Variants in SEZ6L2 observed in about 807,000 individuals in gnomAD.
SEZ6L2 encodes seizure 6-like protein 2.
Under a neutral mutation model 97.0 loss-of-function variants are expected in SEZ6L2, and 44 were observed. The observed-to-expected ratio is 0.45, with a 90% confidence interval of 0.36 to 0.58. The LOEUF is 0.58. SEZ6L2 is among the 20% of genes least tolerant of loss of function. SEZ6L2 has a pLI of 0.00. For missense variants in SEZ6L2, 1,086 were observed against 1,233.3 expected (o/e 0.88, Z 1.79); for synonymous variants, 543 against 546.1 (o/e 0.99, Z 0.08).
At chr16:29,888,112 T>A (rs1394764433) in intron 6 of SEZ6L2, among the ~76,000 whole-genome samples, 5 of 151,760 alleles carry the variant, frequency 3.3e-5, no homozygotes, top group African/African-American at 1.2e-4. Flanking sequence ...GTTACAAGGA[T>A]CCCTAAAATT....
Position 29,897,062 on chromosome 16 carries a change from AG to A in SEZ6L2, c.270del (p.Ser91ProfsTer13). On this transcript the variant is annotated frameshift_variant, in exon 3 of 18. Transcript: ENST00000617533. LOFTEE classifies it high-confidence loss of function. ...TPPAGQTLAV[P>X]SLPRATEPGT... ...CCCGGCTCAGTGGCCCGTGGCAGGG[AG>A]GGCACTGCGAGAGTCTGGCCGGCCG... 1 of 1,581,092 alleles carries A rather than the reference AG, an allele frequency of 6.3e-7. No individual in the cohort carries two copies. The highest frequency in any genetic ancestry group is 1.1e-5 in the South Asian group (1 of 88,654).
rs15000 is a variant in SEZ6L2 at position 29,871,334 on chromosome 16, G to A, written c.*365C>T. ...AGGCCTAGGGCCAGGGCATCTGGGAGGGGGGCACCTTCGTGGCCAAGGGAA... is the reference window on the plus strand; with the variant it reads ...AGGCCTAGGGCCAGGGCATCTGGGAAGGGGGCACCTTCGTGGCCAAGGGAA... On this transcript the variant is annotated 3_prime_UTR_variant, in exon 18 of 18. Transcript: ENST00000617533. The A allele has an allele frequency of 2.8e-6, 1 of 356,962 alleles. No individual in the cohort carries two copies. The highest frequency in any genetic ancestry group is 2.0e-5 in the African/African-American group (1 of 48,844). 22.1% of individuals were successfully genotyped at this position (356,962 alleles called of 1,614,324 possible).
chr16:29,898,073 C>G (rs2068445189), intron 1 of SEZ6L2, 89 bp from the exon 2 acceptor site: 1 of 1,568,882 alleles, frequency 6.4e-7, no homozygotes, highest in East Asian at 2.3e-5. Flanking sequence ...CCTCCCTCCT[C>G]CATCAGCTGG....
chr16:29,897,084 G>A lies in SEZ6L2; in HGVS notation c.249C>T (p.Ala83=), dbSNP rs781302818. Reference sequence around the variant, plus strand: ...GGGAGGGCACTGCGAGAGTCTGGCCGGCCGGAGGGGTGGCTAGCGTGGGGT... The same window carrying A: ...GGGAGGGCACTGCGAGAGTCTGGCCAGCCGGAGGGGTGGCTAGCGTGGGGT... ...DRDPTLATPP[A]GQTLAVPSLP... is the part of the protein sequence containing the mutation. Residue 83 remains alanine (A), a synonymous_variant, in exon 3 of 18, where the codon GCC becomes GCT. Coordinates refer to ENST00000617533, the MANE Select transcript of SEZ6L2 (RefSeq NM_001243332.2). 11 of 1,580,442 alleles carry A rather than the reference G, an allele frequency of 7.0e-6. No homozygotes were observed. The highest frequency in any genetic ancestry group is 1.3e-5 in the African/African-American group (1 of 74,618).
In SEZ6L2 at chr16:29,877,427, C is replaced by A. The variant is rs1297317673; in HGVS notation, c.1753G>T (p.Gly585Trp). 6 of 1,608,768 alleles carry A rather than the reference C, an allele frequency of 3.7e-6. No homozygotes were observed. In the African/African-American group the frequency reaches 4.0e-5, roughly 11 times the overall value. ...AAGACTCGGGCGCTGGGACCGTCCC[C>A]GTCGAACAGCGTCAGCATGTCCCCT... Reference protein sequence around the residue: ...REGDMLTLFDGDGPSARVLAQ... With the variant: ...REGDMLTLFDWDGPSARVLAQ... The change falls in exon 11 of 18, where the codon GGG (glycine) becomes TGG (tryptophan). Residue 585 changes from glycine to tryptophan, a missense_variant. Transcript: ENST00000617533.
intron 8 of SEZ6L2, among the ~76,000 whole-genome samples, chr16:29,880,407 C>T (rs991231469): frequency 2.0e-5 from 3 of 151,862 alleles, no homozygotes; most frequent in Admixed American, 1.3e-4. Context: ...CTCACCGCAA[C>T]CTCCGCCTCC....
chr16:29,879,452 C>T (rs1319085226), intron 9 of SEZ6L2, among the ~76,000 whole-genome samples: 1 of 148,492 alleles, frequency 6.7e-6, no homozygotes, highest in African/African-American at 2.5e-5. Flanking sequence ...CTCGAACTCC[C>T]GACCTCAGGT....
chr16:29,894,888 C>A (rs1039176653), intron 5 of SEZ6L2, among the ~76,000 whole-genome samples: 11 of 151,990 alleles, frequency 7.2e-5, no homozygotes, highest in African/African-American at 2.2e-4. Context: ...TTAAAGATGT[C>A]CCCTCTATAG....
Position 29,899,358 on chromosome 16 carries a change from C to T in SEZ6L2, c.-339G>A. 1 of 327,630 alleles carries T rather than the reference C, an allele frequency of 3.1e-6. No homozygotes were observed. The highest frequency in any genetic ancestry group is 5.6e-6 in the Non-Finnish European group (1 of 177,250). The allele number at this position is 327,630 out of a possible 1,614,324, so 20.3% of individuals were successfully genotyped here. ...ACCCTCCTGCTCAGGCGCCTGGGTC[C>T]ACTGGGCTGTCTGGACCCCAAGCTA... is the stretch of plus-strand genomic sequence containing the variant. On this transcript the variant is annotated 5_prime_UTR_variant, in exon 1 of 18. Coordinates refer to ENST00000617533, the MANE Select transcript of SEZ6L2 (RefSeq NM_001243332.2).
At chr16:29,895,654 C>G (rs544265190) in intron 4 of SEZ6L2, 67 bp downstream of exon 4, 10 of 1,543,702 alleles carry the variant, frequency 6.5e-6, no homozygotes, top group South Asian at 1.2e-5. Context: ...AGGCCAAACC[C>G]GTGCACACCC....
At chr16:29,888,455 G>A (rs2150804241) in intron 6 of SEZ6L2, 85 bp downstream of exon 6, 2 of 1,438,312 alleles carry the variant, frequency 1.4e-6, no homozygotes, top group Non-Finnish European at 1.9e-6. Flanking sequence ...TTCCCCAAAG[G>A]TGGACACCTG....
At chr16:29,896,753 T>A in intron 3 of SEZ6L2, 69 bp downstream of exon 3, 1 of 1,407,876 alleles carries the variant, frequency 7.1e-7, no homozygotes, top group Non-Finnish European at 9.9e-7. Context: ...CCCAGCAGCC[T>A]CTCTCCCATC....
intron 8 of SEZ6L2, among the ~76,000 whole-genome samples, 167 bp from the exon 9 acceptor site, chr16:29,880,231 T>C (rs1008465220): frequency 6.6e-5 from 10 of 151,920 alleles, no homozygotes; most frequent in African/African-American, 2.4e-4. Context: ...GGTACAACCT[T>C]GGCTCACTGC....
intron 12 of SEZ6L2, among the ~76,000 whole-genome samples, chr16:29,874,156 A>AT (rs1453233831): frequency 2.0e-5 from 3 of 152,228 alleles, no homozygotes; most frequent in South Asian, 4.1e-4. Flanking sequence ...GACAGGCTTA[A>AT]TTTTTTTCAA....
At position 29,899,110 on chromosome 16, in the gene SEZ6L2, GTTTT is replaced by G. The variant is rs556364210; in HGVS notation, c.-95_-92del. 22,712 of 492,496 alleles carry G rather than the reference GTTTT, an allele frequency of 0.046. 10 individuals carry two copies. The highest frequency in any genetic ancestry group is 0.066 in the East Asian group (1,530 of 23,058). The allele number at this position is 492,496 out of a possible 1,614,324, so 30.5% of individuals were successfully genotyped here. On this transcript the variant is annotated 5_prime_UTR_variant, in exon 1 of 18. Coordinates refer to ENST00000617533, the MANE Select transcript of SEZ6L2 (RefSeq NM_001243332.2). ...TCTCCGTTTATCTTTCCCTTTAATT[GTTTT>G]TTTTTTTTTTTTTTTTTTCCTCGTA...
In SEZ6L2 at chr16:29,873,671, G is replaced by A. The variant is rs557550997; in HGVS notation, c.2163C>T (p.Ala721=). 7.4e-6 allele frequency: 12 copies of A among 1,612,454 alleles called. No individual in the cohort carries two copies. Among genetic ancestry groups the A allele is most frequent in the South Asian group, 3.3e-5 (3 of 91,006 alleles). ...GGACGTGGGAGCCAACGGGGAAGCC[G>A]GCGTCCGAGGCGGTGCGGTGCCCGT... ...IANGHRTASD[A]GFPVGSHVQY... The change falls in exon 13 of 18, where the codon GCC becomes GCT. Residue 721 remains alanine, a synonymous_variant. Transcript: ENST00000617533. The surrounding 1 kb of genome is among the most constrained non-coding windows in gnomAD (Gnocchi z 4.3).
rs1045208730 is a variant in SEZ6L2 at position 29,876,566 on chromosome 16, G to A, written c.2104+190C>T. On this transcript the variant is annotated intron_variant, in intron 12 of 17. Transcript: ENST00000617533. This position sits in a 1 kb window ranked among gnomAD's most constrained non-coding sequence, Gnocchi z 6.5. Reference sequence around the variant, plus strand: ...GAAGATGAGAGGGAGACCCAGAGGGGACAGTTTCGGGGAACCGGGCGGAGG... The same window carrying A: ...GAAGATGAGAGGGAGACCCAGAGGGAACAGTTTCGGGGAACCGGGCGGAGG... Among the ~76,000 whole-genome samples, 8 of 152,054 alleles carry A rather than the reference G, an allele frequency of 5.3e-5. No homozygotes were observed. The highest frequency in any genetic ancestry group is 1.7e-4 in the African/African-American group (7 of 41,396).
At chr16:29,878,260 C>G (rs1176472688) in intron 10 of SEZ6L2, 27 bp downstream of exon 10, 17 of 1,569,856 alleles carry the variant, frequency 1.1e-5, no homozygotes, top group Non-Finnish European at 1.4e-5. Flanking sequence ...CTACACCCGT[C>G]GCACCCTCTG....
Position 29,873,439 on chromosome 16 carries a change from G to C in SEZ6L2, c.2297-8C>G. ...GGCACGGCTCGTACTTCACTGCGGG[G>C]AGCATGCCAGTCACGTGCCAGCTGC... On this transcript the variant is annotated splice_region_variant and splice_polypyrimidine_tract_variant and intron_variant, in intron 13 of 17. Coordinates refer to ENST00000617533, the MANE Select transcript of SEZ6L2 (RefSeq NM_001243332.2). This position sits in a 1 kb window ranked among gnomAD's most constrained non-coding sequence, Gnocchi z 4.3. 6.2e-7 allele frequency: 1 copy of C among 1,614,198 alleles called. No homozygotes were observed. The highest frequency in any genetic ancestry group is 8.5e-7 in the Non-Finnish European group (1 of 1,180,026).
Sources: gnomAD v4.1 joint callset for allele counts (sites outside exome capture counted in the v4.1 genomes callset) on GRCh38, gnomAD v4.1.1 for gene constraint, Gnocchi (gnomAD v3.1) non-coding constraint, MANE v1.5 for transcripts, NCBI Gene and HGNC (gene_info 2026-07-23, HGNC 2026-07-21) for gene names.